The following VPS35L variants were observed in gnomAD, a reference collection of about 807,000 sequenced individuals.
VPS35L encodes VPS35 endosomal protein sorting factor like.
VPS35L carries 83 observed loss-of-function variants against 133.0 expected under a neutral mutation model. That is an observed-to-expected ratio of 0.62 (90% CI 0.52 to 0.75). The LOEUF (loss-of-function observed/expected upper bound fraction) is 0.75. Among genes scored for constraint, VPS35L ranks in the 30% least tolerant of loss-of-function variants. The probability of loss-of-function intolerance (pLI) is 0.00; values close to 1 mark genes in which losing one functional copy is unlikely to be tolerated. For synonymous variants in VPS35L, 423 were observed against 449.9 expected, an observed-to-expected ratio of 0.94 and a Z score of 0.76; for missense variants, 1,083 against 1,206.8, an observed-to-expected ratio of 0.90 and a Z score of 1.52.
chr16:19,630,570 G>A (rs952540938), intron 18 of VPS35L, among the ~76,000 whole-genome samples: 7 of 151,984 alleles, frequency 4.6e-5, no homozygotes, highest in Admixed American at 1.3e-4. Flanking sequence ...TCCTGAGCTC[G>A]CAATCAGCCC....
intron 29 of VPS35L, among the ~76,000 whole-genome samples, chr16:19,694,661 T>C (rs930182645): frequency 7.9e-5 from 12 of 152,142 alleles, no homozygotes; most frequent in African/African-American, 2.6e-4. Context: ...AGCTAAGTTC[T>C]TATTTCTTAC....
chr16:19,655,070 A>G (rs1974255128), intron 26 of VPS35L, among the ~76,000 whole-genome samples: 1 of 152,170 alleles, frequency 6.6e-6, no homozygotes, highest in Non-Finnish European at 1.5e-5. Flanking sequence ...TGCTTCCTAT[A>G]ACGTCCTCGG....
rs1460255094 is a variant in VPS35L, at chr16:19,628,753, G to A, written c.1500G>A (p.Gln500=). 6 of 1,278,216 alleles carry A rather than the reference G, an allele frequency of 4.7e-6. No homozygotes were observed. The highest frequency in any genetic ancestry group is 6.3e-6 in the Non-Finnish European group (6 of 953,910). 79.2% of individuals were successfully genotyped at this position (1,278,216 alleles called of 1,614,324 possible). The change falls in exon 17 of 31, where the codon CAG becomes CAA. Residue 500 remains glutamine (Q), a splice_region_variant and synonymous_variant. Transcript: ENST00000417362. ...TCATCACTAAGCTGAAGAACCCACA[G>A]GTGAGTGGCCATTTTATTTTTATTT... ...WKVITKLKNP[Q]DYINCAEVWV... is the part of the protein sequence containing the mutation.
At position 19,673,120 on chromosome 16, in the gene VPS35L, G is replaced by A. The variant is rs189142237; in HGVS notation, c.2361+3821G>A. 3.3e-3 allele frequency among the ~76,000 whole-genome samples: 495 copies of A among 152,286 alleles called. 4 individuals carry two copies. The highest frequency in any genetic ancestry group is 0.012 in the African/African-American group (487 of 41,552). On this transcript the variant is annotated intron_variant, in intron 27 of 30. Transcript: ENST00000417362. ...GCCCACCTCAAATGACTCCTGTGAG[G>A]GTTAAATGAAATGATAGCTGGGAAA...
At chr16:19,660,990 T>A (rs1459438277) in intron 26 of VPS35L, among the ~76,000 whole-genome samples, 2 of 152,082 alleles carry the variant, frequency 1.3e-5, no homozygotes, top group African/African-American at 4.8e-5. Context: ...ATATCCATTT[T>A]AAAATATTCA....
At chr16:19,637,034 G>A (rs1597383227) in intron 19 of VPS35L, among the ~76,000 whole-genome samples, 1 of 152,200 alleles carries the variant, frequency 6.6e-6, no homozygotes, top group Non-Finnish European at 1.5e-5. Flanking sequence ...CAGCCCATAG[G>A]CTATATGTAG....
chr16:19,645,968 G>GT (rs200741270), intron 23 of VPS35L, among the ~76,000 whole-genome samples: 28 of 151,406 alleles, frequency 1.8e-4, no homozygotes, highest in African/African-American at 3.9e-4. Context: ...TTTTTTTGCT[G>GT]TTTTTTTTGG....
intron 5 of VPS35L, among the ~76,000 whole-genome samples, chr16:19,575,749 G>A (rs1597318843): frequency 6.6e-6 from 1 of 151,512 alleles, no homozygotes; most frequent in Non-Finnish European, 1.5e-5. Context: ...TATAATCCCA[G>A]TTACATAGGA....
At position 19,601,659 on chromosome 16, in the gene VPS35L, C is replaced by G; in HGVS notation, c.725-5C>G. The G allele has an allele frequency of 1.9e-6, 3 of 1,614,050 alleles. No individual in the cohort carries two copies. The highest frequency in any genetic ancestry group is 2.5e-6 in the Non-Finnish European group (3 of 1,179,954). ...TACTAACACCATCTGTCCTTTTCCT[C>G]CCAGGAAAGCTCGTGTACGAGCGCA... On this transcript the variant is annotated splice_polypyrimidine_tract_variant and splice_region_variant and intron_variant, in intron 8 of 30. Transcript: ENST00000417362.
intron 6 of VPS35L, among the ~76,000 whole-genome samples, chr16:19,580,968 G>A (rs1418086226): frequency 3.9e-5 from 6 of 151,960 alleles, no homozygotes; most frequent in African/African-American, 1.5e-4. Flanking sequence ...TTTTCAATGG[G>A]CACCTCAGAT....
chr16:19,596,726 T>TA (rs1567409909), intron 8 of VPS35L, among the ~76,000 whole-genome samples: 5 of 151,976 alleles, frequency 3.3e-5, no homozygotes, highest in Admixed American at 1.3e-4. Context: ...AGTGGCTCTG[T>TA]GAAATGAAAA....
chr16:19,658,763 T>C (rs1974388341), intron 26 of VPS35L, among the ~76,000 whole-genome samples: 1 of 151,778 alleles, frequency 6.6e-6, no homozygotes, highest in African/African-American at 2.4e-5. Context: ...GTAAGGTGTA[T>C]GGCATTCTAG....
chr16:19,684,270 G>A (rs1975383122), intron 28 of VPS35L, among the ~76,000 whole-genome samples: 1 of 152,152 alleles, frequency 6.6e-6, no homozygotes, highest in Admixed American at 6.5e-5. Context: ...GTATCCTCCT[G>A]CCTGGCGGAC....
intron 7 of VPS35L, 57 bp downstream of exon 7, chr16:19,581,710 T>C: frequency 6.3e-7 from 1 of 1,584,722 alleles, no homozygotes; most frequent in Non-Finnish European, 8.6e-7. Context: ...AATTCCACTG[T>C]GAGACTTAGA....
At chr16:19,653,358 T>C (rs1170952384) in intron 26 of VPS35L, among the ~76,000 whole-genome samples, 1 of 152,220 alleles carries the variant, frequency 6.6e-6, no homozygotes, top group Non-Finnish European at 1.5e-5. Context: ...GCGACATTTA[T>C]GGAGTGTTTG....
chr16:19,647,713 G>A (rs1973994328), intron 23 of VPS35L, 71 bp from the exon 24 acceptor site: 3 of 1,171,894 alleles, frequency 2.6e-6, no homozygotes, highest in Non-Finnish European at 3.8e-6. Flanking sequence ...TAATATTTCA[G>A]TCATACCATG....
chr16:19,570,858 T>C (rs1567388486), intron 3 of VPS35L, among the ~76,000 whole-genome samples: 2 of 56,236 alleles, frequency 3.6e-5, no homozygotes, highest in Admixed American at 2.0e-4. Context: ...TATATATATA[T>C]ATATATATAT....
intron 14 of VPS35L, chr16:19,617,108 C>T: frequency 1.7e-6 from 1 of 586,948 alleles, no homozygotes; most frequent in Non-Finnish European, 3.0e-6. Context: ...GTAATCCCAG[C>T]ACTTTGCAAG....
intron 14 of VPS35L, among the ~76,000 whole-genome samples, chr16:19,621,744 C>T (rs563216779): frequency 2.6e-5 from 4 of 152,304 alleles, no homozygotes; most frequent in South Asian, 2.1e-4. Context: ...TTTGGCTCTC[C>T]GAACACTTAC....
Sources: gnomAD v4.1 joint callset for allele counts (sites outside exome capture counted in the v4.1 genomes callset) on GRCh38, gnomAD v4.1.1 for gene constraint, MANE v1.5 for transcripts, NCBI Gene and HGNC (gene_info 2026-07-23, HGNC 2026-07-21) for gene names.